EEF2K: variants seen among roughly 807,000 people sequenced by gnomAD.
EEF2K encodes eukaryotic elongation factor 2 kinase, also known as alternative protein EEF2K.
EEF2K carries 70 observed loss-of-function variants against 93.8 expected under a neutral mutation model. The observed-to-expected ratio is 0.75, with a 90% CI of 0.62 to 0.91. The LOEUF is 0.91. Among genes scored for constraint, EEF2K ranks in the 40% least tolerant of loss-of-function variants. The pLI, the probability that EEF2K is intolerant of heterozygous loss-of-function variation, is 0.00. For missense variants in EEF2K, 935 were observed against 972.9 expected (o/e 0.96, Z 0.52); for synonymous variants, 376 against 380.8 (o/e 0.99, Z 0.15).
chr16:22,258,721 A>C (rs2047434545), intron 10 of EEF2K, 26 bp downstream of exon 10: 2 of 1,613,542 alleles, frequency 1.2e-6, no homozygotes, highest in African/African-American at 1.3e-5. Context: ...GTCCCTAGTC[A>C]CTGTGATTGG....
In EEF2K at chr16:22,257,317, T is replaced by C. The variant is rs1423609082; in HGVS notation, c.833T>C (p.Val278Ala). Reference protein sequence around the residue: ...HQLIVVDIQGVGDLYTDPQIH... With the variant: ...HQLIVVDIQGAGDLYTDPQIH... ...CTGATAGTGGTGGACATCCAGGGAGTTGGGGATCTCTACACTGACCCACAG... is the reference window on the plus strand; with the variant it reads ...CTGATAGTGGTGGACATCCAGGGAGCTGGGGATCTCTACACTGACCCACAG... The change falls in exon 8 of 18, where the codon GTT becomes GCT. Residue 278 changes from valine (V) to alanine (A), a missense_variant. Coordinates refer to ENST00000263026, the MANE Select transcript of EEF2K (RefSeq NM_013302.5). 10 of 1,613,788 alleles carry C rather than the reference T, an allele frequency of 6.2e-6. No individual in the cohort carries two copies. Among genetic ancestry groups the C allele is most frequent in the East Asian group, 2.2e-5 (1 of 44,852 alleles).
chr16:22,221,524 C>T (rs1327505724), intron 1 of EEF2K, among the ~76,000 whole-genome samples: 1 of 151,880 alleles, frequency 6.6e-6, no homozygotes, highest in Non-Finnish European at 1.5e-5. Context: ...AGGCTAAGCA[C>T]AATTTCTTGA....
rs57073413 is a variant in EEF2K, at chr16:22,247,037, CAAAAAAAAAAA to C, written c.348-1698_348-1688del. Among the ~76,000 whole-genome samples, 42 of 13,700 alleles carry C rather than the reference CAAAAAAAAAAA, an allele frequency of 3.1e-3. No homozygotes were observed. In the South Asian group the frequency reaches 0.037, roughly 12 times the overall value. 9.0% of individuals were successfully genotyped at this position (13,700 alleles called of 152,430 possible). A position where few individuals can be genotyped will look rare whatever the true frequency, so the allele number is the denominator to read the frequency against. On this transcript the variant is annotated intron_variant, in intron 3 of 17. Coordinates refer to ENST00000263026, the MANE Select transcript of EEF2K (RefSeq NM_013302.5). ...TGGGTGACAGAGCGAGACTCCATCT[CAAAAAAAAAAA>C]AAAAAAAAAAAAAAAAAAAGAAACT...
chr16:22,229,346 C>G (rs1160306271), intron 2 of EEF2K, among the ~76,000 whole-genome samples: 1 of 152,180 alleles, frequency 6.6e-6, no homozygotes, highest in Non-Finnish European at 1.5e-5. Flanking sequence ...GTTGGACATC[C>G]TTCTCTGGAC....
chr16:22,244,311 A>G (rs373273988), intron 2 of EEF2K, among the ~76,000 whole-genome samples: 2,577 of 133,940 alleles, frequency 0.019, 25 homozygotes, highest in Non-Finnish European at 0.024. Flanking sequence ...GTGTGTGTGT[A>G]TATCCTATAT....
intron 1 of EEF2K, among the ~76,000 whole-genome samples, chr16:22,218,952 AAG>A (rs1567259876): frequency 2.6e-5 from 4 of 151,538 alleles, no homozygotes; most frequent in Non-Finnish European, 4.4e-5. Flanking sequence ...AAAAAAAAAA[AAG>A]AGAAAAAAGA....
intron 3 of EEF2K, among the ~76,000 whole-genome samples, chr16:22,244,954 G>A (rs1470847813): frequency 2.0e-5 from 3 of 152,154 alleles, no homozygotes; most frequent in Non-Finnish European, 2.9e-5. Flanking sequence ...GACTGAGCTA[G>A]TTTTTTTAAA....
intron 1 of EEF2K, among the ~76,000 whole-genome samples, chr16:22,223,319 C>T (rs1347516039): frequency 6.8e-6 from 1 of 146,760 alleles, no homozygotes; most frequent in African/African-American, 2.6e-5. Flanking sequence ...CACTCTGTCA[C>T]CCAGGCTGGA....
Position 22,225,754 on chromosome 16 carries a change from C to A in EEF2K, c.25C>A (p.Arg9Ser). The A allele has an allele frequency of 6.2e-7, 1 of 1,614,130 alleles. No homozygotes were observed. Among genetic ancestry groups the A allele is most frequent in the South Asian group, 1.1e-5 (1 of 91,074 alleles). The change falls in exon 2 of 18, where the codon CGC (arginine) becomes AGC (serine). Residue 9 changes from arginine (R) to serine (S), a missense_variant. By Grantham distance (110) the Arg-to-Ser change is moderately radical. Transcript: ENST00000263026. ...CATGGCAGACGAAGATCTCATCTTCCGCCTGGAAGGCGTTGATGGCGGCCA... is the reference window on the plus strand; with the variant it reads ...CATGGCAGACGAAGATCTCATCTTCAGCCTGGAAGGCGTTGATGGCGGCCA... MADEDLIF[R>S]LEGVDGGQSP...
intron 16 of EEF2K, among the ~76,000 whole-genome samples, chr16:22,277,241 A>G (rs1249789168): frequency 1.3e-5 from 2 of 152,106 alleles, no homozygotes; most frequent in Admixed American, 6.6e-5. Context: ...GGCTCAGGCT[A>G]TCCTCCCGCC....
intron 6 of EEF2K, among the ~76,000 whole-genome samples, chr16:22,255,685 G>A (rs1043768437): frequency 6.6e-6 from 1 of 152,054 alleles, no homozygotes; most frequent in Non-Finnish European, 1.5e-5. Context: ...GATTGCTTGA[G>A]GCCAGTTCTT....
At position 22,285,535 on chromosome 16, in the gene EEF2K, T is replaced by C. The variant is rs2047745795; in HGVS notation, c.*1539T>C. On this transcript the variant is annotated 3_prime_UTR_variant, in exon 18 of 18. Coordinates refer to ENST00000263026, the MANE Select transcript of EEF2K (RefSeq NM_013302.5). ...CATTTGATGTTTCAAATAGCAAAGATGCTAGGTGCGGTGGCTCCCGCCTGT... is the reference window on the plus strand; with the variant it reads ...CATTTGATGTTTCAAATAGCAAAGACGCTAGGTGCGGTGGCTCCCGCCTGT... 6.6e-6 allele frequency: 1 copy of C among 152,230 alleles called. No individual in the cohort carries two copies. The highest frequency in any genetic ancestry group is 2.4e-5 in the African/African-American group (1 of 41,450). The allele number at this position is 152,230 out of a possible 1,614,324, so 9.4% of individuals were successfully genotyped here. A position where few individuals can be genotyped will look rare whatever the true frequency, so the allele number is the denominator to read the frequency against.
At chr16:22,236,932 C>CTTT (rs1567269193) in intron 2 of EEF2K, among the ~76,000 whole-genome samples, 1 of 128,110 alleles carries the variant, frequency 7.8e-6, no homozygotes, top group Non-Finnish European at 1.6e-5. Context: ...ATCCACAGAC[C>CTTT]TCTTTTTTTT....
rs1283551467 is a variant in EEF2K at position 22,225,788 on chromosome 16, G to A, written c.59G>A (p.Arg20Gln). Reference protein sequence around the residue: ...LEGVDGGQSPRAGHDGDSDGD... With the variant: ...LEGVDGGQSPQAGHDGDSDGD... ...GGCGTTGATGGCGGCCAGTCCCCCC[G>A]AGCTGGCCATGATGGTGATTCTGAT... The change falls in exon 2 of 18, where the codon CGA (arginine) becomes CAA (glutamine). Residue 20 changes from arginine to glutamine, a missense_variant. Transcript: ENST00000263026. 3.7e-6 allele frequency: 6 copies of A among 1,614,230 alleles called. No individual in the cohort carries two copies. Among genetic ancestry groups the A allele is most frequent in the Non-Finnish European group, 4.2e-6 (5 of 1,180,046 alleles).
chr16:22,241,841 C>T (rs779202991), intron 2 of EEF2K, among the ~76,000 whole-genome samples: 3 of 151,770 alleles, frequency 2.0e-5, no homozygotes, highest in South Asian at 2.1e-4. Flanking sequence ...TAAAAAAGCC[C>T]CAGCAGGCTA....
rs547307882 is a variant in EEF2K at position 22,256,308 on chromosome 16, G to T, written c.619-440G>T. 4.6e-5 allele frequency among the ~76,000 whole-genome samples: 7 copies of T among 152,066 alleles called. No homozygotes were observed. The South Asian group carries it at 1.5e-3, about 32-fold the overall frequency. The stretch of plus-strand genomic sequence containing the variant: ...GACAGGGTTTCACCATGTTGGCCAC[G>T]GTTGGTCTCCAACTCCTGGCCTCAG... On this transcript the variant is annotated intron_variant, in intron 6 of 17. Transcript: ENST00000263026.
At chr16:22,239,683 C>T (rs911707299) in intron 2 of EEF2K, among the ~76,000 whole-genome samples, 51 of 152,206 alleles carry the variant, frequency 3.4e-4, no homozygotes, top group Admixed American at 2.6e-4. Flanking sequence ...TGATGGCAAG[C>T]GCCTGTCATC....
intron 1 of EEF2K, among the ~76,000 whole-genome samples, chr16:22,219,467 C>CA (rs1010572356): frequency 6.6e-6 from 1 of 151,902 alleles, no homozygotes; most frequent in Non-Finnish European, 1.5e-5. Flanking sequence ...TGTGTCTCTA[C>CA]AAAAATAAAA....
rs1482694260 is a variant in EEF2K, at chr16:22,260,515, C to T, written c.1285C>T (p.Leu429=). Residue 429 remains leucine, a synonymous_variant, in exon 11 of 18, where the codon CTA becomes TTA. Coordinates refer to ENST00000263026, the MANE Select transcript of EEF2K (RefSeq NM_013302.5). ...CATGGCATCCAGAGACCATGATCAT[C>T]TAGACAACCACCGGGTGAGTGTGAA... ...DNMASRDHDH[L]DNHRESENSG... 2.5e-6 allele frequency: 4 copies of T among 1,614,106 alleles called. No individual in the cohort carries two copies. The South Asian group carries it at 3.3e-5, about 13-fold the overall frequency.
Sources: gnomAD v4.1 joint callset for allele counts (sites outside exome capture counted in the v4.1 genomes callset) on GRCh38, gnomAD v4.1.1 for gene constraint, MANE v1.5 for transcripts, NCBI Gene and HGNC (gene_info 2026-07-23, HGNC 2026-07-21) for gene names.